The following SLC9A7 variants were observed in gnomAD, a reference collection of about 807,000 sequenced individuals.
SLC9A7 encodes the protein sodium/hydrogen exchanger 7.
Under a neutral mutation model 52.6 loss-of-function variants are expected in SLC9A7, and 19 were observed. The observed-to-expected ratio is 0.36, with a 90% CI of 0.25 to 0.53. The LOEUF (loss-of-function observed/expected upper bound fraction) is 0.53. Ranked by LOEUF, SLC9A7 falls within the 20% of genes least tolerant of loss-of-function variation. SLC9A7 has a pLI of 0.91. For missense variants in SLC9A7, 455 were observed against 597.9 expected (o/e 0.76, Z 2.49); for synonymous variants, 226 against 252.1 (o/e 0.90, Z 0.98).
intron 1 of SLC9A7, among the ~76,000 whole-genome samples, chrX:46,742,138 G>C (rs1486836874): frequency 2.7e-5 from 3 of 111,674 alleles, no homozygotes; most frequent in Admixed American, 9.5e-5. Flanking sequence ...GTTCTAAAGA[G>C]AATGTGGAGC....
intron 1 of SLC9A7, among the ~76,000 whole-genome samples, chrX:46,731,524 C>T (rs1405467217): frequency 1.8e-5 from 2 of 108,430 alleles, no homozygotes; most frequent in African/African-American, 6.6e-5. Context: ...ACTGCTTGGG[C>T]CCAGGAGTTT....
chrX:46,658,942 A>G (rs1379101315), intron 7 of SLC9A7, among the ~76,000 whole-genome samples: 1 of 111,403 alleles, frequency 9.0e-6, no homozygotes, highest in Non-Finnish European at 1.9e-5. Flanking sequence ...TTAGACCAAT[A>G]TCCTTGATGA....
chrX:46,639,690 C>T (rs1002387994), intron 12 of SLC9A7, among the ~76,000 whole-genome samples: 1 of 93,838 alleles, frequency 1.1e-5, no homozygotes, highest in African/African-American at 4.0e-5. Flanking sequence ...GAAAAGGACA[C>T]AAAAGGTACA....
chrX:46,657,203 A>G (rs1209776986), intron 7 of SLC9A7, among the ~76,000 whole-genome samples: 4 of 111,207 alleles, frequency 3.6e-5, no homozygotes, highest in African/African-American at 1.3e-4. Flanking sequence ...GGCCTGCCCT[A>G]AAAGAGCTCC....
chrX:46,606,963 C>T lies in SLC9A7; in HGVS notation c.2170G>A (p.Asp724Asn). Residue 724 changes from aspartate (D) to asparagine (N), a missense_variant, in exon 17 of 17, where the codon GAT (aspartate) becomes AAT (asparagine). Physicochemically the swap from Asp to Asn is conservative, Grantham distance 23. Transcript: ENST00000616978. ...GCTTGGGGGGAAAGTCAAGCATTATCTTCCAGGGGAAACACTAGGCGGGTG... is the reference window on the plus strand; with the variant it reads ...GCTTGGGGGGAAAGTCAAGCATTATTTTCCAGGGGAAACACTAGGCGGGTG... ...RGTRLVFPLE[D>N]NA 1 of 1,211,728 alleles carries T rather than the reference C, an allele frequency of 8.3e-7. No homozygotes were observed. Among genetic ancestry groups the T allele is most frequent in the South Asian group, 1.8e-5 (1 of 56,964 alleles).
chrX:46,726,204 T>C (rs1944943229), intron 1 of SLC9A7, among the ~76,000 whole-genome samples: 1 of 110,918 alleles, frequency 9.0e-6, no homozygotes, highest in African/African-American at 3.3e-5. Context: ...CTGTGAGCCA[T>C]GATCACACCA....
intron 13 of SLC9A7, among the ~76,000 whole-genome samples, chrX:46,633,276 G>C (rs1943251581): frequency 1.2e-5 from 1 of 85,442 alleles, no homozygotes; most frequent in East Asian, 4.2e-4. Flanking sequence ...ACTGATATAA[G>C]TGCAGAACAG....
At position 46,607,096 on chromosome X, in the gene SLC9A7, C is replaced by T. The variant is rs776602385; in HGVS notation, c.2037G>A (p.Ser679=). Residue 679 remains serine (S), a synonymous_variant, in exon 17 of 17, where the codon TCG becomes TCA. Coordinates refer to ENST00000616978, the MANE Select transcript of SLC9A7 (RefSeq NM_001257291.2). The stretch of plus-strand genomic sequence containing the variant: ...CCTCCAGACTCGTGGAGGCGGTGTG[C>T]GAACTTGAGGAGCCATTTGCAGTCA... ...STVTANGSSS[S]HTASTSLEGS... The T allele has an allele frequency of 1.1e-4, 133 of 1,209,416 alleles. No homozygotes were observed. Among genetic ancestry groups the T allele is most frequent in the Middle Eastern group, 6.9e-4 (3 of 4,372 alleles).
chrX:46,706,725 G>A (rs940016790), intron 1 of SLC9A7, among the ~76,000 whole-genome samples: 9 of 111,655 alleles, frequency 8.1e-5, no homozygotes, highest in African/African-American at 1.6e-4. Flanking sequence ...CTGCACTGGA[G>A]GCATCTAGGT....
intron 1 of SLC9A7, among the ~76,000 whole-genome samples, chrX:46,686,504 C>T (rs1461402319): frequency 2.7e-5 from 3 of 111,851 alleles, no homozygotes; most frequent in Non-Finnish European, 5.6e-5. Context: ...ATGATAAAGA[C>T]TTGGAGAAAA....
At chrX:46,682,960 A>ATTTTTTTTTTTTTTTTTT (rs1169630244) in intron 1 of SLC9A7, among the ~76,000 whole-genome samples, 53 of 64,893 alleles carry the variant, frequency 8.2e-4, no homozygotes, top group African/African-American at 2.5e-3. Context: ...CACCCGGCTA[A>ATTTTTTTTTTTTTTTTTT]TTTTTTTTTT....
chrX:46,730,900 C>G, intron 1 of SLC9A7, among the ~76,000 whole-genome samples: 1 of 105,181 alleles, frequency 9.5e-6, no homozygotes, highest in East Asian at 3.0e-4. Flanking sequence ...ATGATTCTCC[C>G]ACTTCGACTC....
At chrX:46,738,570 G>C (rs1234924135) in intron 1 of SLC9A7, among the ~76,000 whole-genome samples, 1 of 111,799 alleles carries the variant, frequency 8.9e-6, no homozygotes, top group Non-Finnish European at 1.9e-5. Flanking sequence ...AGGAGTTCGA[G>C]ACCAGCCTGG....
At chrX:46,671,455 G>C (rs1415592574) in intron 4 of SLC9A7, among the ~76,000 whole-genome samples, 1 of 107,278 alleles carries the variant, frequency 9.3e-6, no homozygotes, top group African/African-American at 3.4e-5. Flanking sequence ...ATTTTTAGTA[G>C]AGACGGGGTT....
At chrX:46,648,193 GTATTT>G (rs2079420882) in intron 11 of SLC9A7, among the ~76,000 whole-genome samples, 1 of 112,231 alleles carries the variant, frequency 8.9e-6, no homozygotes, top group South Asian at 3.6e-4. Flanking sequence ...TTACATGAGT[GTATTT>G]TATTTCTTTT....
At chrX:46,701,359 G>C (rs749041865) in intron 1 of SLC9A7, among the ~76,000 whole-genome samples, 2 of 111,205 alleles carry the variant, frequency 1.8e-5, no homozygotes, top group Admixed American at 1.9e-4. Context: ...AGGCCGAGGC[G>C]GGTGGATCAC....
intron 1 of SLC9A7, among the ~76,000 whole-genome samples, chrX:46,736,841 A>G (rs1945129545): frequency 9.0e-6 from 1 of 110,760 alleles, no homozygotes; most frequent in African/African-American, 3.3e-5. Context: ...GCCTTATTCC[A>G]TTGTTATTTT....
rs137924958 is a variant in SLC9A7, at chrX:46,640,663, G to A, written c.1616+2573C>T. On this transcript the variant is annotated intron_variant, in intron 12 of 16. Transcript: ENST00000616978. ...GTATCTGACAAAAGACTACAGTCTAGAATAAAGAACTCTAAAAACTCAACA... is the reference window on the plus strand; with the variant it reads ...GTATCTGACAAAAGACTACAGTCTAAAATAAAGAACTCTAAAAACTCAACA... Among the ~76,000 whole-genome samples the A allele has an allele frequency of 3.4e-4, 38 of 112,353 alleles. 2 individuals carry two copies. The East Asian group carries it at 0.011, about 31-fold the overall frequency.
chrX:46,654,982 C>CTTTTTTTTTTTTTTTTT (rs60881484), intron 7 of SLC9A7, among the ~76,000 whole-genome samples: 4 of 83,621 alleles, frequency 4.8e-5, no homozygotes, highest in Non-Finnish European at 6.9e-5. Context: ...TTCTTTCTTT[C>CTTTTTTTTTTTTTTTTT]TTTTTTTTTT....
Sources: gnomAD v4.1 joint callset for allele counts (sites outside exome capture counted in the v4.1 genomes callset) on GRCh38, gnomAD v4.1.1 for gene constraint, MANE v1.5 for transcripts, NCBI Gene and HGNC (gene_info 2026-07-23, HGNC 2026-07-21) for gene names.